Variants in FBLN2 observed in about 807,000 individuals in gnomAD.
FBLN2 encodes the protein fibulin 2.
A neutral mutation model predicts 123.7 loss-of-function variants in FBLN2; 81 were observed. The ratio of observed to expected loss-of-function variants is 0.65; its 90% CI spans 0.55 to 0.79. The LOEUF is 0.79. Ranked by LOEUF, FBLN2 falls within the 30% of genes least tolerant of loss-of-function variation. The probability of loss-of-function intolerance (pLI) is 0.00; values close to 1 mark genes in which losing one functional copy is unlikely to be tolerated. For missense variants in FBLN2, 1,603 were observed against 1,681.3 expected, an observed-to-expected ratio of 0.95 and a Z score of 0.81; for synonymous variants, 699 against 701.4, an observed-to-expected ratio of 1.00 and a Z score of 0.05.
chr3:13,580,494 A>G (rs1365095212), intron 2 of FBLN2, among the ~76,000 whole-genome samples: 1 of 152,240 alleles, frequency 6.6e-6, no homozygotes, highest in Non-Finnish European at 1.5e-5. Flanking sequence ...CACAGTCAAC[A>G]AAATGAACAT....
intron 2 of FBLN2, among the ~76,000 whole-genome samples, chr3:13,591,310 C>T (rs1704666987): frequency 6.6e-6 from 1 of 152,244 alleles, no homozygotes; most frequent in Admixed American, 6.5e-5. Flanking sequence ...TGATCTCATT[C>T]TATGACTTGC....
intron 13 of FBLN2, 38 bp from the exon 14 acceptor site, chr3:13,629,782 G>T: frequency 6.5e-7 from 1 of 1,544,078 alleles, no homozygotes; most frequent in Non-Finnish European, 8.7e-7. Flanking sequence ...CTGGCTTTAG[G>T]GCCACCTACC....
In FBLN2 at chr3:13,570,634, C is replaced by T. The variant is rs745336920; in HGVS notation, c.279C>T (p.Phe93=). ...VPAGQSYFVD[F]GSTECSCPPG... ...CCGGTCAGTCCTATTTTGTGGACTT[C>T]GGGAGCACTGAGTGCTCCTGCCCAC... Residue 93 remains phenylalanine (F), a synonymous_variant, in exon 2 of 18, where the codon TTC becomes TTT. Coordinates refer to ENST00000404922, the MANE Select transcript of FBLN2 (RefSeq NM_001004019.2). 2.3e-5 allele frequency: 36 copies of T among 1,581,458 alleles called. No individual in the cohort carries two copies. The highest frequency in any genetic ancestry group is 2.4e-5 in the Non-Finnish European group (28 of 1,165,248).
intron 17 of FBLN2, 21 bp downstream of exon 17, chr3:13,636,589 C>A: frequency 6.2e-7 from 1 of 1,610,780 alleles, no homozygotes; most frequent in Non-Finnish European, 8.5e-7. Flanking sequence ...CCACCCCAGT[C>A]CCAGTCCCAG....
intron 16 of FBLN2, among the ~76,000 whole-genome samples, chr3:13,635,375 TACACAC>T (rs3836364): frequency 2.7e-5 from 4 of 149,082 alleles, no homozygotes; most frequent in Non-Finnish European, 6.0e-5. Context: ...GCCTGTGGGT[TACACAC>T]ACACACACAC....
chr3:13,566,860 A>AG (rs111960261), intron 1 of FBLN2, among the ~76,000 whole-genome samples: 7,100 of 152,322 alleles, frequency 0.047, 540 homozygotes, highest in African/African-American at 0.16. Flanking sequence ...GCCAAACGAA[A>AG]GCACTTATGG....
At chr3:13,611,547 T>A (rs1705392510) in intron 4 of FBLN2, among the ~76,000 whole-genome samples, 2 of 152,256 alleles carry the variant, frequency 1.3e-5, no homozygotes, top group African/African-American at 4.8e-5. Context: ...TGTGTCTGGC[T>A]TATTTCACTT....
chr3:13,584,707 G>A (rs73040785), intron 2 of FBLN2, among the ~76,000 whole-genome samples: 8,183 of 152,306 alleles, frequency 0.054, 298 homozygotes, highest in East Asian at 0.14. Flanking sequence ...GGGCAGATAG[G>A]GAGTGGGCAG....
chr3:13,620,505 C>T (rs1162909769), intron 8 of FBLN2, among the ~76,000 whole-genome samples: 1 of 152,200 alleles, frequency 6.6e-6, no homozygotes, highest in African/African-American at 2.4e-5. Flanking sequence ...CTTCCACCCC[C>T]GTGGCCCCGC....
intron 1 of FBLN2, among the ~76,000 whole-genome samples, chr3:13,557,827 G>T (rs1446676034): frequency 6.6e-6 from 1 of 152,258 alleles, no homozygotes; most frequent in African/African-American, 2.4e-5. Flanking sequence ...TGCTCAGAGG[G>T]TCACATGCTC....
At chr3:13,600,554 C>T (rs1361388276) in intron 2 of FBLN2, among the ~76,000 whole-genome samples, 2 of 151,862 alleles carry the variant, frequency 1.3e-5, no homozygotes, top group Non-Finnish European at 2.9e-5. Flanking sequence ...GACGCTCAGG[C>T]CTGGAGAAGG....
intron 2 of FBLN2, among the ~76,000 whole-genome samples, chr3:13,589,803 A>G (rs183625050): frequency 6.6e-6 from 1 of 152,322 alleles, no homozygotes; most frequent in Admixed American, 6.5e-5. Flanking sequence ...TATAAAAGCA[A>G]TGTCTAATCA....
At chr3:13,600,468 G>A (rs1179637454) in intron 2 of FBLN2, among the ~76,000 whole-genome samples, 10 of 152,066 alleles carry the variant, frequency 6.6e-5, no homozygotes, top group Non-Finnish European at 1.5e-4. Flanking sequence ...GCCACCTCTC[G>A]AGCTGGTGAT....
In FBLN2 at chr3:13,618,220, G is replaced by A. The variant is rs745601402; in HGVS notation, c.1874G>A (p.Gly625Asp). ...CAGCACCTTTGCATCAATACTGTGGGTTCTTACCACTGTGCCTGCTTTCCT... is the reference window on the plus strand; with the variant it reads ...CAGCACCTTTGCATCAATACTGTGGATTCTTACCACTGTGCCTGCTTTCCT... ...LCQHLCINTV[G>D]SYHCACFPGF... Residue 625 changes from glycine to aspartate, a missense_variant, in exon 6 of 18, where the codon GGT (glycine) becomes GAT (aspartate). By Grantham distance (94) the Gly-to-Asp change is moderately conservative. Coordinates refer to ENST00000404922, the MANE Select transcript of FBLN2 (RefSeq NM_001004019.2). The A allele has an allele frequency of 6.2e-7, 1 of 1,613,944 alleles. No homozygotes were observed. The highest frequency in any genetic ancestry group is 1.1e-5 in the South Asian group (1 of 91,088).
At chr3:13,556,946 CA>C (rs2125032799) in intron 1 of FBLN2, among the ~76,000 whole-genome samples, 1 of 152,366 alleles carries the variant, frequency 6.6e-6, no homozygotes, top group South Asian at 2.1e-4. Flanking sequence ...CCTCACGCCC[CA>C]TCTTTCTTTT....
In FBLN2 at chr3:13,618,182, G is replaced by T. The variant is rs769249181; in HGVS notation, c.1836G>T (p.Pro612=). The T allele has an allele frequency of 3.1e-6, 5 of 1,613,806 alleles. No homozygotes were observed. The Middle Eastern group carries it at 6.6e-4, about 213-fold the overall frequency. ...ACCAGGATGAGTGCCTTCTCCTCCC[G>T]GGAGAGCTGTGCCAGCACCTTTGCA... ...GDDQDECLLL[P]GELCQHLCIN... is the part of the protein sequence containing the mutation. Residue 612 remains proline, a synonymous_variant, in exon 6 of 18, where the codon CCG becomes CCT. Transcript: ENST00000404922.
intron 2 of FBLN2, among the ~76,000 whole-genome samples, chr3:13,601,190 TG>T (rs1705021372): frequency 6.6e-6 from 1 of 152,214 alleles, no homozygotes; most frequent in African/African-American, 2.4e-5. Context: ...TTATCCTCAT[TG>T]GGCATCCCAC....
At chr3:13,588,952 A>G (rs1704588341) in intron 2 of FBLN2, among the ~76,000 whole-genome samples, 1 of 152,248 alleles carries the variant, frequency 6.6e-6, no homozygotes, top group South Asian at 2.1e-4. Context: ...CATCATTCTA[A>G]GAATCAGAAT....
Position 13,638,268 on chromosome 3 carries a change from A to G in FBLN2, c.*349A>G. On this transcript the variant is annotated 3_prime_UTR_variant, in exon 18 of 18. Coordinates refer to ENST00000404922, the MANE Select transcript of FBLN2 (RefSeq NM_001004019.2). The stretch of plus-strand genomic sequence containing the variant: ...GTCCCCAAAGTTGACATTCCATTTC[A>G]TGTTCCACTGTGATTAATTCTTTTC... 1.9e-6 allele frequency: 1 copy of G among 516,978 alleles called. No homozygotes were observed. The highest frequency in any genetic ancestry group is 3.6e-6 in the Non-Finnish European group (1 of 280,714). 32.0% of individuals were successfully genotyped at this position (516,978 alleles called of 1,614,324 possible).
Sources: gnomAD v4.1 joint callset for allele counts (sites outside exome capture counted in the v4.1 genomes callset) on GRCh38, gnomAD v4.1.1 for gene constraint, MANE v1.5 for transcripts, NCBI Gene and HGNC (gene_info 2026-07-23, HGNC 2026-07-21) for gene names.